ZNF280B: variants seen among roughly 807,000 people sequenced by gnomAD.
The protein encoded by ZNF280B is suppressor of hairy wing homolog 2.
Under a neutral mutation model 38.0 loss-of-function variants are expected in ZNF280B, and 16 were observed. That is an observed-to-expected ratio of 0.42 (90% CI 0.28 to 0.64). The LOEUF is 0.64. Ranked by LOEUF, ZNF280B falls within the 30% of genes least tolerant of loss-of-function variation. ZNF280B has a pLI of 0.21. For synonymous variants in ZNF280B, 253 were observed against 230.6 expected, an observed-to-expected ratio of 1.10 and a Z score of -0.88; for missense variants, 581 against 639.6, an observed-to-expected ratio of 0.91 and a Z score of 0.99.
intron 2 of ZNF280B, among the ~76,000 whole-genome samples, chr22:22,497,166 T>TC (rs1569180826): frequency 1.4e-5 from 2 of 139,074 alleles, no homozygotes; most frequent in African/African-American, 5.5e-5. Context: ...TTTCCCCTTT[T>TC]CCTTCCCTTC....
In ZNF280B at chr22:22,487,816, T is replaced by C; in HGVS notation, c.1583A>G (p.Glu528Gly). ...ASITVSTSDSEPSLPRSKSKI... is the reference protein window; with the variant it reads ...ASITVSTSDSGPSLPRSKSKI... ...GCTTTTAGACCTGGGGAGTGATGGT[T>C]CAGAGTCAGATGTGCTCACAGTTAT... The change falls in exon 4 of 4, where the codon GAA becomes GGA. Residue 528 changes from glutamate (E) to glycine (G), a missense_variant. Coordinates refer to ENST00000626650, the MANE Select transcript of ZNF280B (RefSeq NM_080764.4). 6.2e-7 allele frequency: 1 copy of C among 1,610,580 alleles called. No homozygotes were observed. The highest frequency in any genetic ancestry group is 8.5e-7 in the Non-Finnish European group (1 of 1,178,834).
rs141932561 is a variant in ZNF280B at position 22,496,795 on chromosome 22, A to G, written c.-186-2615T>C. Among the ~76,000 whole-genome samples, 312 of 150,840 alleles carry G rather than the reference A, an allele frequency of 2.1e-3. 2 individuals carry two copies. Among genetic ancestry groups the G allele is most frequent in the African/African-American group, 7.1e-3 (292 of 41,038 alleles). On this transcript the variant is annotated intron_variant, in intron 2 of 3. Coordinates refer to ENST00000626650, the MANE Select transcript of ZNF280B (RefSeq NM_080764.4). ...GCCTGAAAAAAATTTGTGTGTGGCT[A>G]TAACAGTGAGTGGGATCTACTCTTT...
chr22:22,496,048 C>T (rs2061687113), intron 2 of ZNF280B, among the ~76,000 whole-genome samples: 2 of 151,288 alleles, frequency 1.3e-5, no homozygotes, highest in South Asian at 4.2e-4. Flanking sequence ...TCAGGTTATC[C>T]ACCCACCTCG....
At chr22:22,505,664 G>A (rs1456589927) in intron 2 of ZNF280B, among the ~76,000 whole-genome samples, 5 of 150,250 alleles carry the variant, frequency 3.3e-5, no homozygotes, top group African/African-American at 1.2e-4. Context: ...GGAGGCTGAG[G>A]AGGAGAATCA....
At chr22:22,503,380 G>T (rs2061865399) in intron 2 of ZNF280B, among the ~76,000 whole-genome samples, 1 of 151,906 alleles carries the variant, frequency 6.6e-6, no homozygotes, top group Non-Finnish European at 1.5e-5. Flanking sequence ...GAATTTTATG[G>T]CATATGAACT....
At position 22,484,604 on chromosome 22, in the gene ZNF280B, A is replaced by G. The variant is rs1311343350; in HGVS notation, c.*3163T>C. ...ATATATTTGTAAACAAAACAAAGTG[A>G]CATTGCCTTAAAAATATATAGAGGT... is the stretch of plus-strand genomic sequence containing the variant. On this transcript the variant is annotated 3_prime_UTR_variant, in exon 4 of 4. Transcript: ENST00000626650. 2 of 152,530 alleles carry G rather than the reference A, an allele frequency of 1.3e-5. 1 individual carries two copies. The highest frequency in any genetic ancestry group is 4.2e-4 in the South Asian group (2 of 4,818). The allele number at this position is 152,530 out of a possible 1,614,324, so 9.4% of individuals were successfully genotyped here. A position where few individuals can be genotyped will look rare whatever the true frequency, so the allele number is the denominator to read the frequency against.
In ZNF280B at chr22:22,487,852, T is replaced by C. The variant is rs757924712; in HGVS notation, c.1547A>G (p.Asp516Gly). The change falls in exon 4 of 4, where the codon GAT becomes GGT. Residue 516 changes from aspartate (D) to glycine (G), a missense_variant. Asp to Gly is a moderately conservative substitution (Grantham distance 94). Transcript: ENST00000626650. ...SLEPLQPGSV[D>G]VASITVSTSD... ...TGTGCTCACAGTTATGGATGCTACA[T>C]CCACTGATCCTGGCTGAAGAGGTTC... is the stretch of plus-strand genomic sequence containing the variant. 9 of 1,613,874 alleles carry C rather than the reference T, an allele frequency of 5.6e-6. 1 individual carries two copies. The South Asian group carries it at 9.9e-5, about 18-fold the overall frequency.
chr22:22,506,591 T>C (rs1427177545), intron 2 of ZNF280B, among the ~76,000 whole-genome samples: 2 of 151,510 alleles, frequency 1.3e-5, no homozygotes, highest in Non-Finnish European at 2.9e-5. Flanking sequence ...CAAATACAAA[T>C]TAAAACAAGC....
chr22:22,495,229 C>T (rs1601712797), intron 2 of ZNF280B, among the ~76,000 whole-genome samples: 1 of 152,014 alleles, frequency 6.6e-6, no homozygotes, highest in Non-Finnish European at 1.5e-5. Flanking sequence ...TTGGCTGTTT[C>T]CCACATTTGA....
chr22:22,501,544 G>A (rs796537484), intron 2 of ZNF280B, among the ~76,000 whole-genome samples: 23 of 151,800 alleles, frequency 1.5e-4, no homozygotes, highest in African/African-American at 4.8e-4. Context: ...CAGCCTGGGC[G>A]ACAGAGTGAG....
chr22:22,505,396 T>C (rs2061914866), intron 2 of ZNF280B, among the ~76,000 whole-genome samples: 1 of 151,636 alleles, frequency 6.6e-6, no homozygotes, highest in Non-Finnish European at 1.5e-5. Flanking sequence ...TGAAACCCCG[T>C]CTCTACTAAA....
chr22:22,505,707 C>T (rs138552818), intron 2 of ZNF280B, among the ~76,000 whole-genome samples: 3,582 of 149,746 alleles, frequency 0.024, 73 homozygotes, highest in Middle Eastern at 0.098. Flanking sequence ...TGCAGTGAGC[C>T]GAGACTGCGC....
At chr22:22,505,357 G>C (rs1284790399) in intron 2 of ZNF280B, among the ~76,000 whole-genome samples, 1 of 151,894 alleles carries the variant, frequency 6.6e-6, no homozygotes, top group Admixed American at 6.6e-5. Context: ...CCTGAGGTCA[G>C]AAGTTCGAGA....
intron 3 of ZNF280B, among the ~76,000 whole-genome samples, chr22:22,493,829 A>G (rs1466915497): frequency 1.3e-5 from 2 of 151,948 alleles, no homozygotes; most frequent in Non-Finnish European, 1.5e-5. Context: ...TCTATCCCTA[A>G]GCGTTAAATG....
intron 3 of ZNF280B, 90 bp from the exon 4 acceptor site, chr22:22,489,556 T>G: frequency 1.6e-6 from 1 of 633,514 alleles, no homozygotes. Context: ...ACCACTATTT[T>G]ACCCACAAGG....
intron 2 of ZNF280B, among the ~76,000 whole-genome samples, chr22:22,498,065 A>G (rs573334315): frequency 6.6e-6 from 1 of 152,138 alleles, no homozygotes; most frequent in African/African-American, 2.4e-5. Flanking sequence ...CAACAGGGTA[A>G]ACCCTGAAAA....
chr22:22,498,469 A>G (rs965127034), intron 2 of ZNF280B, among the ~76,000 whole-genome samples: 4 of 151,940 alleles, frequency 2.6e-5, no homozygotes, highest in African/African-American at 9.7e-5. Context: ...TCAACAAATT[A>G]GATAACCTAG....
rs368889135 is a variant in ZNF280B at position 22,502,204 on chromosome 22, A to G, written c.-187+5606T>C. Among the ~76,000 whole-genome samples the G allele has an allele frequency of 3.6e-4, 55 of 152,104 alleles. No homozygotes were observed. In the South Asian group the frequency reaches 0.011, roughly 30 times the overall value. ...CACAAATGGCCAAGCAGCACATGAA[A>G]TGCTGCTCAATATAGTCATTAAGGA... On this transcript the variant is annotated intron_variant, in intron 2 of 3. Coordinates refer to ENST00000626650, the MANE Select transcript of ZNF280B (RefSeq NM_080764.4).
chr22:22,500,514 G>A lies in ZNF280B; in HGVS notation c.-186-6334C>T, dbSNP rs758866335. Reference sequence around the variant, plus strand: ...CAAAAAGACAAATACTTTTGTATTTGTATAATTCCACCTATATGAGGTAAC... The same window carrying A: ...CAAAAAGACAAATACTTTTGTATTTATATAATTCCACCTATATGAGGTAAC... On this transcript the variant is annotated intron_variant, in intron 2 of 3. Coordinates refer to ENST00000626650, the MANE Select transcript of ZNF280B (RefSeq NM_080764.4). Among the ~76,000 whole-genome samples the A allele has an allele frequency of 5.8e-4, 88 of 151,836 alleles. 1 individual carries two copies. The highest frequency in any genetic ancestry group is 8.1e-4 in the Non-Finnish European group (55 of 67,992).
Sources: gnomAD v4.1 joint callset for allele counts (sites outside exome capture counted in the v4.1 genomes callset) on GRCh38, gnomAD v4.1.1 for gene constraint, MANE v1.5 for transcripts, NCBI Gene and HGNC (gene_info 2026-07-23, HGNC 2026-07-21) for gene names.